Variants in TMEM51 observed in about 807,000 individuals in gnomAD.
TMEM51 encodes transmembrane protein 51.
TMEM51 carries 8 observed loss-of-function variants against 13.6 expected under a neutral mutation model. The observed-to-expected ratio is 0.59, with a 90% CI of 0.35 to 1.07. The LOEUF (loss-of-function observed/expected upper bound fraction) is 1.07, where lower values mean the gene tolerates loss of function less well. TMEM51 is among the 50% of genes least tolerant of loss of function. The pLI is 0.02. For missense variants in TMEM51, 279 were observed against 330.7 expected (o/e 0.84, Z 1.21); for synonymous variants, 147 against 144.4 (o/e 1.02, Z -0.13).
At chr1:15,179,147 G>A (rs1339754325) in intron 1 of TMEM51, among the ~76,000 whole-genome samples, 1 of 151,138 alleles carries the variant, frequency 6.6e-6, no homozygotes, top group Non-Finnish European at 1.5e-5. Context: ...CCCCAACTGG[G>A]CAGCTGTGGC....
chr1:15,220,040 A>C lies in TMEM51; in HGVS notation c.*297A>C. 1 of 382,610 alleles carries C rather than the reference A, an allele frequency of 2.6e-6. No individual in the cohort carries two copies. The highest frequency in any genetic ancestry group is 4.7e-6 in the Non-Finnish European group (1 of 211,802). 23.7% of individuals were successfully genotyped at this position (382,610 alleles called of 1,614,324 possible). ...TCCTTTTCACTCCGAATCGCTGGCG[A>C]CACATTCTCCTTTCCAGCTAGGAAA... On this transcript the variant is annotated 3_prime_UTR_variant, in exon 4 of 4. Coordinates refer to ENST00000376008, the MANE Select transcript of TMEM51 (RefSeq NM_001136218.2).
At chr1:15,154,561 A>G (rs1642521628) in intron 1 of TMEM51, among the ~76,000 whole-genome samples, 1 of 152,082 alleles carries the variant, frequency 6.6e-6, no homozygotes, top group Middle Eastern at 3.4e-3. Context: ...GCGGCGGGGC[A>G]TTCATGCCCA....
chr1:15,189,620 G>T (rs1643888123), intron 1 of TMEM51, among the ~76,000 whole-genome samples: 2 of 152,238 alleles, frequency 1.3e-5, no homozygotes, highest in African/African-American at 2.4e-5. Context: ...GCAGGAGGAT[G>T]ATCTGGTTTT....
chr1:15,153,679 G>T (rs1313287803), upstream of TMEM51: 1 of 152,012 alleles, frequency 6.6e-6, no homozygotes, highest in African/African-American at 2.4e-5. Context: ...CTCCGGGCTG[G>T]AGGCCGCTCC....
At chr1:15,171,114 C>CCCAA in intron 1 of TMEM51, 1 of 1,137,740 alleles carries the variant, frequency 8.8e-7, no homozygotes, top group Non-Finnish European at 1.2e-6. Flanking sequence ...CACCCCCCGC[C>CCCAA]ACATCCCCCA....
At chr1:15,209,714 C>T (rs1409746185) in intron 1 of TMEM51, among the ~76,000 whole-genome samples, 1 of 152,064 alleles carries the variant, frequency 6.6e-6, no homozygotes, top group Non-Finnish European at 1.5e-5. Context: ...GGGATAAACC[C>T]AACTTGATTA....
intron 1 of TMEM51, among the ~76,000 whole-genome samples, chr1:15,165,874 G>T (rs1308947242): frequency 1.3e-5 from 2 of 151,928 alleles, no homozygotes; most frequent in African/African-American, 4.8e-5. Flanking sequence ...GGAGGTGGAG[G>T]TTGCGGTGAG....
rs1417384368 is a variant in TMEM51, at chr1:15,161,795, G to A, written c.-267+7841G>A. On this transcript the variant is annotated intron_variant, in intron 1 of 3. Coordinates refer to ENST00000376008, the MANE Select transcript of TMEM51 (RefSeq NM_001136218.2). This position sits in a 1 kb window ranked among gnomAD's most constrained non-coding sequence, Gnocchi z 4.0. The stretch of plus-strand genomic sequence containing the variant: ...AATACAAAAATTAGCCAGGCATGGT[G>A]GCGGGCACCTGTAGTCCCAGCTACT... 1.3e-5 allele frequency among the ~76,000 whole-genome samples: 2 copies of A among 151,860 alleles called. No homozygotes were observed. The highest frequency in any genetic ancestry group is 2.9e-5 in the Non-Finnish European group (2 of 68,024).
At chr1:15,187,603 C>T (rs1643820568) in intron 1 of TMEM51, among the ~76,000 whole-genome samples, 3 of 152,184 alleles carry the variant, frequency 2.0e-5, no homozygotes, top group African/African-American at 7.2e-5. Context: ...ATAACCTTGA[C>T]AATAACGTTT....
chr1:15,187,766 C>T (rs1257990407), intron 1 of TMEM51, among the ~76,000 whole-genome samples: 1 of 152,174 alleles, frequency 6.6e-6, no homozygotes, highest in African/African-American at 2.4e-5. Flanking sequence ...GGGACTCTGT[C>T]CTTCTTCCCT....
chr1:15,171,118 T>TCCCCCCC, intron 1 of TMEM51: 3 of 547,036 alleles, frequency 5.5e-6, no homozygotes, highest in Admixed American at 3.3e-5. Flanking sequence ...CCCCGCCACA[T>TCCCCCCC]CCCCCACCCC....
chr1:15,185,562 A>G (rs1405430259), intron 1 of TMEM51, among the ~76,000 whole-genome samples: 1 of 152,198 alleles, frequency 6.6e-6, no homozygotes, highest in Non-Finnish European at 1.5e-5. Context: ...AGTTTAATAC[A>G]CGGTTATGGC....
intron 1 of TMEM51, among the ~76,000 whole-genome samples, chr1:15,187,312 G>T (rs1643810627): frequency 6.6e-6 from 1 of 151,980 alleles, no homozygotes; most frequent in South Asian, 2.1e-4. Flanking sequence ...GCTTCCACAG[G>T]TCCCCTGCAC....
chr1:15,201,381 AATAT>A (rs1246278542), intron 1 of TMEM51, among the ~76,000 whole-genome samples: 9 of 151,426 alleles, frequency 5.9e-5, no homozygotes, highest in African/African-American at 1.9e-4. Context: ...AAGAAAAGTA[AATAT>A]ATAATGAGTA....
rs115444286 is a variant in TMEM51, at chr1:15,205,807, C to T, written c.-266-4683C>T. 2.2e-3 allele frequency among the ~76,000 whole-genome samples: 328 copies of T among 152,296 alleles called. 1 individual carries two copies. Among genetic ancestry groups the T allele is most frequent in the Non-Finnish European group, 2.2e-3 (148 of 68,016 alleles). ...GATGCTTTCTCTGACGCTGACTTCC[C>T]TTCTGTTAGGCAGAATCGCCTGTCT... On this transcript the variant is annotated intron_variant, in intron 1 of 3. Transcript: ENST00000376008.
At chr1:15,182,206 A>AAATGACTGACTG (rs1452812707) in intron 1 of TMEM51, among the ~76,000 whole-genome samples, 1 of 148,812 alleles carries the variant, frequency 6.7e-6, no homozygotes. Context: ...ATAAATAAAT[A>AAATGACTGACTG]ACTGCACTAG....
chr1:15,216,628 G>C (rs1644436975), intron 3 of TMEM51, among the ~76,000 whole-genome samples: 1 of 152,034 alleles, frequency 6.6e-6, no homozygotes, highest in Non-Finnish European at 1.5e-5. Context: ...GTTTATCCCT[G>C]GGAGACAGTC....
At position 15,220,063 on chromosome 1, in the gene TMEM51, A is replaced by G; in HGVS notation, c.*320A>G. 3.0e-6 allele frequency: 1 copy of G among 335,338 alleles called. No homozygotes were observed. The highest frequency in any genetic ancestry group is 6.6e-5 in the South Asian group (1 of 15,202). The allele number at this position is 335,338 out of a possible 1,614,324, so 20.8% of individuals were successfully genotyped here. ...CGACACATTCTCCTTTCCAGCTAGG[A>G]AAGGGTTCCTCGCGGCTGGTTTAGA... On this transcript the variant is annotated 3_prime_UTR_variant, in exon 4 of 4. Coordinates refer to ENST00000376008, the MANE Select transcript of TMEM51 (RefSeq NM_001136218.2).
chr1:15,181,894 TCA>T (rs1318239511), intron 1 of TMEM51, among the ~76,000 whole-genome samples: 1 of 152,124 alleles, frequency 6.6e-6, no homozygotes, highest in African/African-American at 2.4e-5. Context: ...GAGTGGTGTC[TCA>T]CGCCTGTTAA....
Sources: gnomAD v4.1 joint callset for allele counts (sites outside exome capture counted in the v4.1 genomes callset) on GRCh38, gnomAD v4.1.1 for gene constraint, Gnocchi (gnomAD v3.1) non-coding constraint, MANE v1.5 for transcripts, NCBI Gene and HGNC (gene_info 2026-07-23, HGNC 2026-07-21) for gene names.